Variants in GPHN observed in about 807,000 individuals in gnomAD.
GPHN encodes the protein gephyrin.
GPHN carries 17 observed loss-of-function variants against 95.5 expected under a neutral mutation model. The observed-to-expected ratio is 0.18, with a 90% CI of 0.12 to 0.27. The LOEUF (loss-of-function observed/expected upper bound fraction) is 0.27, where lower values mean the gene tolerates loss of function less well. GPHN is among the 10% of genes least tolerant of loss of function. The pLI, the probability that GPHN is intolerant of heterozygous loss-of-function variation, is 1.00. For missense variants in GPHN, 660 were observed against 978.1 expected, an observed-to-expected ratio of 0.67 and a Z score of 4.34; for synonymous variants, 320 against 322.5, an observed-to-expected ratio of 0.99 and a Z score of 0.08.
chr14:66,955,933 A>G (rs1032996004), intron 8 of GPHN, among the ~76,000 whole-genome samples: 1 of 151,984 alleles, frequency 6.6e-6, no homozygotes, highest in Non-Finnish European at 1.5e-5. Flanking sequence ...TATGTGCCAC[A>G]TTTTCTTAAT....
chr14:66,934,602 G>A (rs1222318749), intron 8 of GPHN, among the ~76,000 whole-genome samples: 1 of 152,164 alleles, frequency 6.6e-6, no homozygotes, highest in Non-Finnish European at 1.5e-5. Flanking sequence ...TAACTACTGG[G>A]GGACACAGAT....
the GPHN span, among the ~76,000 whole-genome samples, chr14:67,405,466 G>A: frequency 6.6e-6 from 1 of 152,100 alleles, no homozygotes; most frequent in Non-Finnish European, 1.5e-5. Context: ...CTAATCCAGT[G>A]GGGAAGACAG....
chr14:66,561,838 G>A (rs2060262621), intron 1 of GPHN, among the ~76,000 whole-genome samples: 2 of 152,050 alleles, frequency 1.3e-5, no homozygotes, highest in Admixed American at 1.3e-4. Context: ...CTAAAATCAA[G>A]GTGTCAATAG....
the GPHN span, chr14:67,645,675 G>A: frequency 3.3e-4 from 528 of 1,613,818 alleles, no homozygotes; most frequent in Admixed American, 1.3e-3. Context: ...GGCCATGCCC[G>A]ACACTGCCCA....
the GPHN span, among the ~76,000 whole-genome samples, chr14:67,535,171 A>T: frequency 1.3e-5 from 2 of 152,196 alleles, no homozygotes; most frequent in East Asian, 1.9e-4. Flanking sequence ...ATGCCTGTAG[A>T]TGCTCTGAAT....
chr14:67,379,890 G>A, the GPHN span, among the ~76,000 whole-genome samples: 1 of 151,630 alleles, frequency 6.6e-6, no homozygotes. Flanking sequence ...TCCTGACCTC[G>A]TGATCCGCCC....
At chr14:67,199,411 T>G in the GPHN span, 3 of 1,613,834 alleles carry the variant, frequency 1.9e-6, no homozygotes, top group Non-Finnish European at 2.5e-6. Context: ...AGTTGCTTTA[T>G]GATACTTTCA....
At chr14:66,545,648 G>A (rs1195706329) in intron 1 of GPHN, among the ~76,000 whole-genome samples, 4 of 125,054 alleles carry the variant, frequency 3.2e-5, no homozygotes, top group Non-Finnish European at 5.0e-5. Context: ...GTGGCTGGCC[G>A]GGCAGAGGGG....
At chr14:67,591,070 A>G in the GPHN span, among the ~76,000 whole-genome samples, 1 of 152,208 alleles carries the variant, frequency 6.6e-6, no homozygotes, top group African/African-American at 2.4e-5. Context: ...CCTAAAATAT[A>G]TAAAGAATTG....
chr14:66,668,759 T>C (rs550061030), intron 1 of GPHN, among the ~76,000 whole-genome samples: 1 of 152,216 alleles, frequency 6.6e-6, no homozygotes, highest in Admixed American at 6.5e-5. Flanking sequence ...GTAACAAACC[T>C]TCACATCCTG....
At chr14:67,653,447 T>C in the GPHN span, 16 of 1,613,838 alleles carry the variant, frequency 9.9e-6, no homozygotes, top group East Asian at 2.2e-4. Flanking sequence ...TTTCTGGACA[T>C]TGAACGGAGA....
At chr14:67,214,409 T>C in the GPHN span, among the ~76,000 whole-genome samples, 1 of 152,216 alleles carries the variant, frequency 6.6e-6, no homozygotes, top group African/African-American at 2.4e-5. Flanking sequence ...CCAGCACCGT[T>C]TATTAAATAG....
chr14:67,346,832 G>A, the GPHN span, among the ~76,000 whole-genome samples: 1 of 152,124 alleles, frequency 6.6e-6, no homozygotes, highest in Admixed American at 6.6e-5. Flanking sequence ...TGTGGGTGTA[G>A]GATATGCAGA....
At chr14:66,531,088 G>A (rs1594843443) in intron 1 of GPHN, among the ~76,000 whole-genome samples, 1 of 151,062 alleles carries the variant, frequency 6.6e-6, no homozygotes, top group African/African-American at 2.4e-5. Context: ...TGGGATTACA[G>A]GCACCTGCCA....
At chr14:67,573,532 C>T in the GPHN span, 7 of 650,922 alleles carry the variant, frequency 1.1e-5, no homozygotes, top group East Asian at 2.7e-5. This position sits in a 1 kb window ranked among gnomAD's most constrained non-coding sequence, Gnocchi z 4.8. Flanking sequence ...TCACTGGGCC[C>T]CTGAGGCTTT....
intron 2 of GPHN, among the ~76,000 whole-genome samples, chr14:66,716,120 T>C (rs994820293): frequency 2.0e-5 from 3 of 152,182 alleles, no homozygotes; most frequent in Non-Finnish European, 2.9e-5. Context: ...CCCACTATTA[T>C]TGTGTTGCTG....
chr14:67,567,137 C>T, the GPHN span, among the ~76,000 whole-genome samples: 4 of 147,628 alleles, frequency 2.7e-5, no homozygotes, highest in Admixed American at 6.8e-5. Flanking sequence ...GGCATGATCA[C>T]TCGTGTTCCG....
chr14:67,474,678 C>T, the GPHN span, among the ~76,000 whole-genome samples: 1 of 152,106 alleles, frequency 6.6e-6, no homozygotes, highest in African/African-American at 2.4e-5. Context: ...TTTCATTGTC[C>T]CAAACAGAAA....
At chr14:66,991,903 A>G (rs569537891) in intron 9 of GPHN, among the ~76,000 whole-genome samples, 35 of 151,678 alleles carry the variant, frequency 2.3e-4, no homozygotes, top group Non-Finnish European at 4.6e-4. Context: ...GAAAAGAAAA[A>G]CATAGAATAA....
Sources: allele counts gnomAD v4.1 joint callset (sites outside exome capture counted in the v4.1 genomes callset), GRCh38; gene constraint gnomAD v4.1.1; non-coding constraint Gnocchi (gnomAD v3.1); transcripts MANE v1.5; gene names NCBI Gene and HGNC (gene_info 2026-07-23, HGNC 2026-07-21).